LY6H: variants seen among roughly 807,000 people sequenced by gnomAD.
LY6H encodes the protein lymphocyte antigen 6H.
A neutral mutation model predicts 14.6 loss-of-function variants in LY6H; 8 were observed. The observed-to-expected ratio is 0.55, with a 90% CI of 0.32 to 0.99. The LOEUF (loss-of-function observed/expected upper bound fraction) is 0.99, where lower values mean the gene tolerates loss of function less well. Among genes scored for constraint, LY6H ranks in the 50% least tolerant of loss-of-function variants. LY6H has a pLI of 0.04. For synonymous variants in LY6H, 115 were observed against 97.2 expected (o/e 1.18, Z -1.08); for missense variants, 196 against 219.6 (o/e 0.89, Z 0.68).
At chr8:143,160,073 C>T in intron 1 of LY6H, 125 bp downstream of exon 1, 1 of 914,596 alleles carries the variant, frequency 1.1e-6, no homozygotes. Context: ...TCCCCACCCC[C>T]ACCCCTGGGC....
chr8:143,159,088 G>T lies in LY6H; in HGVS notation c.131-166C>A, dbSNP rs1039583753. 1.1e-5 allele frequency: 11 copies of T among 957,764 alleles called. No individual in the cohort carries two copies. In the African/African-American group the frequency reaches 1.5e-4, roughly 13 times the overall value. 59.3% of individuals were successfully genotyped at this position (957,764 alleles called of 1,614,324 possible). A position where few individuals can be genotyped will look rare whatever the true frequency, so the allele number is the denominator to read the frequency against. Reference sequence around the variant, plus strand: ...CCTGGAGGGGGAGCAGAGGCCCTGGGACAACTGTGCCCCATCCTGGCAGTT... The same window carrying T: ...CCTGGAGGGGGAGCAGAGGCCCTGGTACAACTGTGCCCCATCCTGGCAGTT... On this transcript the variant is annotated intron_variant, in intron 2 of 3. Coordinates refer to ENST00000342752, the MANE Select transcript of LY6H (RefSeq NM_001135655.2).
At chr8:143,158,527 G>A in intron 3 of LY6H, 42 bp from the exon 4 acceptor site, 1 of 1,526,234 alleles carries the variant, frequency 6.6e-7, no homozygotes, top group Non-Finnish European at 9.1e-7. Context: ...GCTCCTCCTG[G>A]GCCCTCTCTG....
At chr8:143,159,924 C>G in intron 1 of LY6H, 1 of 1,227,666 alleles carries the variant, frequency 8.1e-7, no homozygotes, top group East Asian at 3.2e-5. Context: ...CGCCTCCGCC[C>G]CGCGCCGGCA....
chr8:143,159,051 G>A, intron 2 of LY6H, 129 bp from the exon 3 acceptor site: 1 of 1,319,326 alleles, frequency 7.6e-7, no homozygotes. Context: ...GAGGGAGCAG[G>A]CCCCCATGAC....
At position 143,157,983 on chromosome 8, in the gene LY6H, C is replaced by A. The variant is rs1815487748; in HGVS notation, c.*267G>T. On this transcript the variant is annotated 3_prime_UTR_variant, in exon 4 of 4. Transcript: ENST00000342752. ...TTCCAGCTGGGCTGTTGCTTCACTT[C>A]CCCTCCGGGACCTGGGGGTCCCCCC... is the stretch of plus-strand genomic sequence containing the variant. The A allele has an allele frequency of 4.3e-6, 2 of 465,486 alleles. No homozygotes were observed. The highest frequency in any genetic ancestry group is 1.0e-4 in the South Asian group (2 of 19,860). 28.8% of individuals were successfully genotyped at this position (465,486 alleles called of 1,614,324 possible).
chr8:143,160,323 C>T (rs913255096), upstream of LY6H: 4 of 774,062 alleles, frequency 5.2e-6, no homozygotes, highest in Non-Finnish European at 6.9e-6. Context: ...GCCGCAGACG[C>T]GGACCCCGCG....
chr8:143,158,334 C>A lies in LY6H; in HGVS notation c.402G>T (p.Ala134=). The A allele has an allele frequency of 1.2e-6, 2 of 1,613,798 alleles. No homozygotes were observed. Among genetic ancestry groups the A allele is most frequent in the South Asian group, 1.1e-5 (1 of 91,086 alleles). The part of the protein sequence containing the change: ...DCCEKDLCNG[A]AGAGHSPWAL... ...CCCAGGGGCTGTGCCCTGCCCCTGC[C>A]GCCCCATTGCACAAATCCTTCTCGC... is the stretch of plus-strand genomic sequence containing the variant. The change falls in exon 4 of 4, where the codon GCG becomes GCT. Residue 134 remains alanine (A), a synonymous_variant. Coordinates refer to ENST00000342752, the MANE Select transcript of LY6H (RefSeq NM_001135655.2).
intron 2 of LY6H, 179 bp downstream of exon 2, chr8:143,159,403 C>G (rs1815537276): frequency 1.5e-6 from 1 of 677,808 alleles, no homozygotes; most frequent in Non-Finnish European, 2.3e-6. Context: ...TGGAGAGAGC[C>G]CAGTGCCGGG....
In LY6H at chr8:143,159,629, T is replaced by G; in HGVS notation, c.83A>C (p.Lys28Thr). ...PTRSMLPAAM[K>T]GLGLALLAVL... The stretch of plus-strand genomic sequence containing the variant: ...GGCCAGCAGCGCCAGGCCGAGGCCC[T>G]TCATGGCTGCAGGCAGCATGCTCCG... Residue 28 changes from lysine to threonine, a missense_variant, in exon 2 of 4, where the codon AAG becomes ACG. By Grantham distance (78) the Lys-to-Thr change is moderately conservative. Transcript: ENST00000342752. 6.8e-7 allele frequency: 1 copy of G among 1,477,598 alleles called. No individual in the cohort carries two copies. Among genetic ancestry groups the G allele is most frequent in the Non-Finnish European group, 8.9e-7 (1 of 1,123,204 alleles). 91.5% of individuals were successfully genotyped at this position (1,477,598 alleles called of 1,614,324 possible). A position where few individuals can be genotyped will look rare whatever the true frequency, so the allele number is the denominator to read the frequency against.
chr8:143,159,928 G>C (rs1408739015), intron 1 of LY6H: 1 of 1,229,338 alleles, frequency 8.1e-7, no homozygotes, highest in Non-Finnish European at 1.0e-6. Flanking sequence ...TCCGCCCCGC[G>C]CCGGCACCTG....
intron 1 of LY6H, chr8:143,159,942 G>A (rs1015058074): frequency 3.2e-6 from 4 of 1,241,418 alleles, no homozygotes; most frequent in African/African-American, 3.1e-5. Flanking sequence ...GCACCTGTGT[G>A]GGGGAGCGGA....
intron 2 of LY6H, 65 bp downstream of exon 2, chr8:143,159,517 C>T: frequency 7.0e-7 from 1 of 1,428,154 alleles, no homozygotes; most frequent in Non-Finnish European, 9.1e-7. Flanking sequence ...GCCCCACACC[C>T]GGCTCTCCCG....
chr8:143,159,548 G>T, intron 2 of LY6H, 34 bp downstream of exon 2: 1 of 1,481,934 alleles, frequency 6.7e-7, no homozygotes, highest in South Asian at 1.3e-5. Context: ...GGCTCTCCCA[G>T]GCACCTGACC....
intron 1 of LY6H, 97 bp from the exon 2 acceptor site, chr8:143,159,806 G>GC: frequency 7.9e-7 from 1 of 1,261,776 alleles, no homozygotes; most frequent in Non-Finnish European, 1.0e-6. Flanking sequence ...GCCGGGGTCC[G>GC]CCCGGAGCTC....
chr8:143,158,987 G>GC (rs555586816), intron 2 of LY6H, 65 bp from the exon 3 acceptor site: 19 of 1,565,638 alleles, frequency 1.2e-5, no homozygotes, highest in African/African-American at 8.1e-5. Context: ...AGCCCCCTGC[G>GC]CCCCCCACCC....
intron 3 of LY6H, 112 bp downstream of exon 3, chr8:143,158,691 C>T (rs983569057): frequency 4.3e-6 from 6 of 1,392,470 alleles, no homozygotes; most frequent in South Asian, 1.4e-5. Flanking sequence ...TCCTGCCTGC[C>T]GCCCCACGCT....
chr8:143,158,569 C>G (rs1815509714), intron 3 of LY6H, 84 bp from the exon 4 acceptor site: 4 of 1,295,566 alleles, frequency 3.1e-6, no homozygotes, highest in Non-Finnish European at 3.3e-6. Flanking sequence ...CAGGCCCCTC[C>G]GGGTCAGCTC....
intron 2 of LY6H, 139 bp from the exon 3 acceptor site, chr8:143,159,061 C>G (rs748076925): frequency 2.5e-5 from 30 of 1,221,676 alleles, no homozygotes; most frequent in Admixed American, 6.0e-5. Context: ...GCCCCCATGA[C>G]CCCTGGAGGG....
At chr8:143,159,903 A>G in intron 1 of LY6H, 194 bp from the exon 2 acceptor site, 2 of 1,156,946 alleles carry the variant, frequency 1.7e-6, no homozygotes, top group Non-Finnish European at 2.2e-6. Context: ...GGGCGAGGTG[A>G]CAGCTCGAGA....
Sources: allele counts gnomAD v4.1 joint callset, GRCh38; gene constraint gnomAD v4.1.1; transcripts MANE v1.5; gene names NCBI Gene and HGNC (gene_info 2026-07-23, HGNC 2026-07-21).